The following ZNF560 variants were observed in gnomAD, a reference collection of about 807,000 sequenced individuals.
The protein encoded by ZNF560 is zinc finger protein 560.
ZNF560 carries 54 observed loss-of-function variants against 81.8 expected under a neutral mutation model. The ratio of observed to expected loss-of-function variants is 0.66; its 90% CI spans 0.53 to 0.83. The LOEUF (loss-of-function observed/expected upper bound fraction) is 0.83. Ranked by LOEUF, ZNF560 falls within the 40% of genes least tolerant of loss-of-function variation. The probability of loss-of-function intolerance (pLI) is 0.00; values close to 1 mark genes in which losing one functional copy is unlikely to be tolerated. For synonymous variants in ZNF560, 321 were observed against 317.9 expected (o/e 1.01, Z -0.10); for missense variants, 940 against 932.4 (o/e 1.01, Z -0.11).
At chr19:9,483,704 G>A (rs1441164029) in intron 2 of ZNF560, among the ~76,000 whole-genome samples, 48 of 150,386 alleles carry the variant, frequency 3.2e-4, no homozygotes, top group East Asian at 8.2e-4. Context: ...CCGCCGCCCC[G>A]TCTGGGAGGT....
At chr19:9,460,030 A>G in the ZNF560 span, among the ~76,000 whole-genome samples, 1 of 152,114 alleles carries the variant, frequency 6.6e-6, no homozygotes, top group African/African-American at 2.4e-5. Flanking sequence ...CCGATAACAA[A>G]AGGTTGTGAA....
intron 3 of ZNF560, 139 bp downstream of exon 3, chr19:9,475,145 A>C: frequency 1.2e-6 from 1 of 815,398 alleles, no homozygotes; most frequent in Middle Eastern, 3.4e-4. Context: ...CTCCCTGGGG[A>C]AATTCAACAA....
At chr19:9,451,872 C>T in the ZNF560 span, among the ~76,000 whole-genome samples, 9 of 152,160 alleles carry the variant, frequency 5.9e-5, no homozygotes, top group Middle Eastern at 3.4e-3. Flanking sequence ...TTCAGGAGTT[C>T]GAGACCAGCC....
intron 4 of ZNF560, 142 bp from the exon 5 acceptor site, chr19:9,473,401 A>C: frequency 1.7e-6 from 1 of 573,836 alleles, no homozygotes; most frequent in Non-Finnish European, 3.1e-6. Context: ...AGATGGTGAA[A>C]CCCCCGTCTC....
At chr19:9,469,964 T>C (rs1269781602) in intron 7 of ZNF560, 4 of 487,312 alleles carry the variant, frequency 8.2e-6, no homozygotes, top group Non-Finnish European at 1.5e-5. Flanking sequence ...AAATGGCAAA[T>C]GTTAAATACA....
At chr19:9,465,048 G>A (rs1166510585), downstream of ZNF560, among the ~76,000 whole-genome samples, 1 of 151,632 alleles carries the variant, frequency 6.6e-6, no homozygotes, top group Non-Finnish European at 1.5e-5. Flanking sequence ...TAAAACTTCT[G>A]AACATATCTT....
At chr19:9,469,530 A>G in intron 8 of ZNF560, 100 bp downstream of exon 8, 1 of 1,051,272 alleles carries the variant, frequency 9.5e-7, no homozygotes, top group Non-Finnish European at 1.5e-6. Flanking sequence ...AGTCCAGTGG[A>G]CAGCCTTCTG....
At chr19:9,456,127 C>A in the ZNF560 span, among the ~76,000 whole-genome samples, 1 of 152,176 alleles carries the variant, frequency 6.6e-6, no homozygotes, top group Non-Finnish European at 1.5e-5. Flanking sequence ...TGGCTCAGAC[C>A]ACTCCCTCAC....
the ZNF560 span, among the ~76,000 whole-genome samples, chr19:9,451,545 G>A: frequency 6.6e-6 from 1 of 152,090 alleles, no homozygotes; most frequent in Admixed American, 6.6e-5. Context: ...ACCATTCTGG[G>A]TATCAGCCTT....
At chr19:9,459,045 G>A in the ZNF560 span, among the ~76,000 whole-genome samples, 318 of 152,300 alleles carry the variant, frequency 2.1e-3, 2 homozygotes, top group African/African-American at 7.3e-3. Context: ...TATTAAAACA[G>A]ATAATGCCCC....
chr19:9,471,805 G>A (rs1005952285), intron 5 of ZNF560, among the ~76,000 whole-genome samples: 4 of 152,182 alleles, frequency 2.6e-5, no homozygotes, highest in African/African-American at 7.2e-5. Flanking sequence ...GAGAGAAGGT[G>A]CATCTTAAAA....
Position 9,466,620 on chromosome 19 carries a change from G to C in ZNF560, c.2327C>G (p.Ala776Gly), listed in dbSNP as rs1334627460. 6.2e-7 allele frequency: 1 copy of C among 1,610,508 alleles called. No homozygotes were observed. Among genetic ancestry groups the C allele is most frequent in the Admixed American group, 1.7e-5 (1 of 59,756 alleles). ...AATACGAGCTGAGAAAGAAGCAAAG[G>C]CTTTCCCACACTGGTCACATTCAAA... ...KPFECDQCGK[A>G]FASFSARIAH... The change falls in exon 10 of 10, where the codon GCC (alanine) becomes GGC (glycine). Residue 776 changes from alanine to glycine, a missense_variant. Physicochemically the swap from Ala to Gly is moderately conservative, Grantham distance 60 (BLOSUM62 0). Coordinates refer to ENST00000301480, the MANE Select transcript of ZNF560 (RefSeq NM_152476.3).
At position 9,466,833 on chromosome 19, in the gene ZNF560, G is replaced by T; in HGVS notation, c.2114C>A (p.Thr705Asn). The change falls in exon 10 of 10, where the codon ACT (threonine) becomes AAT (asparagine). Residue 705 changes from threonine (T) to asparagine (N), a missense_variant. By Grantham distance (65) the Thr-to-Asn change is moderately conservative. Transcript: ENST00000301480. ...NSMCFHDRLK[T>N]LTKIKPYKCK... Reference sequence around the variant, plus strand: ...TTTATAGGGTTTTATTTTGGTGAGAGTTTTTAAGCGATCATGAAAGCACAT... The same window carrying T: ...TTTATAGGGTTTTATTTTGGTGAGATTTTTTAAGCGATCATGAAAGCACAT... 1 of 1,613,898 alleles carries T rather than the reference G, an allele frequency of 6.2e-7. No homozygotes were observed.
At chr19:9,481,181 C>A (rs1404072066) in intron 2 of ZNF560, among the ~76,000 whole-genome samples, 1 of 151,964 alleles carries the variant, frequency 6.6e-6, no homozygotes, top group Non-Finnish European at 1.5e-5. Context: ...AAAGGATTCC[C>A]TATTTAATAA....
chr19:9,465,720 C>G (rs1020591003), downstream of ZNF560, among the ~76,000 whole-genome samples: 3 of 152,172 alleles, frequency 2.0e-5, no homozygotes, highest in African/African-American at 7.2e-5. Flanking sequence ...TGGCCAGGCG[C>G]GATGGCTCAC....
intron 2 of ZNF560, among the ~76,000 whole-genome samples, chr19:9,480,595 A>G (rs2073271947): frequency 6.6e-6 from 1 of 152,118 alleles, no homozygotes; most frequent in African/African-American, 2.4e-5. Context: ...AAAGGAAACT[A>G]AAAGTTTTCT....
At chr19:9,497,526 C>A (rs1425079050) in intron 2 of ZNF560, among the ~76,000 whole-genome samples, 2 of 144,370 alleles carry the variant, frequency 1.4e-5, no homozygotes, top group Admixed American at 6.8e-5. Flanking sequence ...CACAGCTAGA[C>A]CCCCTCTCAA....
intron 2 of ZNF560, among the ~76,000 whole-genome samples, chr19:9,483,550 G>A (rs1466773721): frequency 5.6e-5 from 8 of 144,100 alleles, no homozygotes; most frequent in South Asian, 2.2e-4. Context: ...GTCAGCCCCC[G>A]CCCGGCCAGC....
At chr19:9,497,464 G>A (rs1231057426) in intron 2 of ZNF560, among the ~76,000 whole-genome samples, 3 of 148,050 alleles carry the variant, frequency 2.0e-5, no homozygotes, top group Non-Finnish European at 3.0e-5. Context: ...GAACCCGGGA[G>A]GCAGAGGTTG....
Sources: allele counts gnomAD v4.1 joint callset (sites outside exome capture counted in the v4.1 genomes callset), GRCh38; gene constraint gnomAD v4.1.1; transcripts MANE v1.5; gene names NCBI Gene and HGNC (gene_info 2026-07-23, HGNC 2026-07-21).